Variants in GFOD2 observed in about 807,000 individuals in gnomAD.
GFOD2 encodes glucose-fructose oxidoreductase domain-containing protein 2.
Under a neutral mutation model 24.6 loss-of-function variants are expected in GFOD2, and 9 were observed. That is an observed-to-expected ratio of 0.37 (90% confidence interval 0.22 to 0.64). The LOEUF is 0.64. Among genes scored for constraint, GFOD2 ranks in the 30% least tolerant of loss-of-function variants. The pLI, the probability that GFOD2 is intolerant of heterozygous loss-of-function variation, is 0.65. For synonymous variants in GFOD2, 211 were observed against 224.8 expected (o/e 0.94, Z 0.55); for missense variants, 476 against 532.5 (o/e 0.89, Z 1.04).
At chr16:67,687,667 GA>G (rs979497645) in intron 1 of GFOD2, among the ~76,000 whole-genome samples, 319 of 140,558 alleles carry the variant, frequency 2.3e-3, no homozygotes, top group African/African-American at 7.6e-3. Flanking sequence ...AAGAAAAAAA[GA>G]AAAAAAAAAG....
At chr16:67,694,687 T>C (rs1342544891) in intron 1 of GFOD2, among the ~76,000 whole-genome samples, 5 of 152,174 alleles carry the variant, frequency 3.3e-5, no homozygotes. Flanking sequence ...AAAATGTCTA[T>C]AGTAGGGGAT....
chr16:67,684,440 A>T (rs2053250526), intron 2 of GFOD2: 4 of 151,858 alleles, frequency 2.6e-5, no homozygotes, highest in Admixed American at 1.3e-4. Flanking sequence ...TCACACCTGT[A>T]ATCCCAGCAC....
chr16:67,681,912 G>A, intron 2 of GFOD2: 3 of 985,152 alleles, frequency 3.0e-6, no homozygotes, highest in Non-Finnish European at 3.6e-6. Flanking sequence ...GGGCACAGTG[G>A]CTCCCACCTA....
chr16:67,676,200 G>A, intron 2 of GFOD2, 147 bp from the exon 3 acceptor site: 1 of 729,664 alleles, frequency 1.4e-6, no homozygotes, highest in Non-Finnish European at 2.2e-6. Context: ...GTCTTGCTAT[G>A]CTGCCCAGGC....
chr16:67,712,883 G>A (rs1188012119), intron 1 of GFOD2, among the ~76,000 whole-genome samples: 1 of 109,616 alleles, frequency 9.1e-6, no homozygotes, highest in South Asian at 2.9e-4. Flanking sequence ...AGTGAGGAGC[G>A]TCTCTGCCCG....
At chr16:67,676,250 GCCTCCTAAGTGGGACCACAGGTGTGTA>G in intron 2 of GFOD2, 197 bp from the exon 3 acceptor site, 1 of 609,234 alleles carries the variant, frequency 1.6e-6, no homozygotes, top group South Asian at 2.1e-5. Flanking sequence ...CTCCATCTTG[GCCTCCTAAGTGGGACCACAGGTGTGTA>G]CCACCACGCC....
Position 67,674,841 on chromosome 16 carries a change from C to T in GFOD2, c.*314G>A, listed in dbSNP as rs1354623510. On this transcript the variant is annotated 3_prime_UTR_variant, in exon 3 of 3. Transcript: ENST00000268797. ...CTTGTGCTTTCTCACCCTGTTAGGA[C>T]TGCGGATCAGGCTGAAGGGCTCCCC... 5.9e-6 allele frequency: 2 copies of T among 336,324 alleles called. No homozygotes were observed. Among genetic ancestry groups the T allele is most frequent in the Non-Finnish European group, 1.1e-5 (2 of 182,556 alleles). 20.8% of individuals were successfully genotyped at this position (336,324 alleles called of 1,614,324 possible).
intron 1 of GFOD2, among the ~76,000 whole-genome samples, chr16:67,706,028 G>C (rs2053436921): frequency 6.9e-6 from 1 of 144,864 alleles, no homozygotes; most frequent in Admixed American, 7.0e-5. Context: ...TGTCACCCAG[G>C]CTGGAGTGCA....
At chr16:67,696,773 G>A (rs1389255397) in intron 1 of GFOD2, among the ~76,000 whole-genome samples, 2 of 151,984 alleles carry the variant, frequency 1.3e-5, no homozygotes, top group Non-Finnish European at 2.9e-5. Flanking sequence ...GCGCCCGGCC[G>A]AAAAATTTTT....
At chr16:67,676,301 A>ATT in intron 2 of GFOD2, 8 of 417,532 alleles carry the variant, frequency 1.9e-5, no homozygotes, top group East Asian at 4.4e-5. Flanking sequence ...CTAATTTAAA[A>ATT]TTTTTTTTTT....
intron 1 of GFOD2, among the ~76,000 whole-genome samples, chr16:67,712,333 C>T (rs1395771541): frequency 4.5e-5 from 6 of 131,982 alleles, no homozygotes; most frequent in African/African-American, 5.7e-5. Context: ...CCTCTGATGC[C>T]GAGCCAAGGC....
intron 1 of GFOD2, among the ~76,000 whole-genome samples, chr16:67,706,034 G>C (rs1260044528): frequency 7.1e-6 from 1 of 141,054 alleles, no homozygotes; most frequent in Non-Finnish European, 1.5e-5. Context: ...CCAGGCTGGA[G>C]TGCAGTAGTG....
At chr16:67,701,879 C>T (rs1429668435) in intron 1 of GFOD2, among the ~76,000 whole-genome samples, 2 of 151,746 alleles carry the variant, frequency 1.3e-5, no homozygotes, top group Non-Finnish European at 2.9e-5. Flanking sequence ...AAAGGCCCGA[C>T]TGTTGAGACT....
intron 2 of GFOD2, chr16:67,680,569 A>T: frequency 4.8e-6 from 1 of 207,508 alleles, no homozygotes; most frequent in Non-Finnish European, 8.1e-6. Flanking sequence ...CCCTCCTCTC[A>T]CTTCCTACCC....
chr16:67,694,002 T>C (rs2053337189), intron 1 of GFOD2, among the ~76,000 whole-genome samples: 9 of 152,090 alleles, frequency 5.9e-5, no homozygotes, highest in Admixed American at 5.9e-4. Flanking sequence ...CTTTTTTTTT[T>C]TTAAGACAGA....
chr16:67,687,651 A>G (rs1055635210), intron 1 of GFOD2, among the ~76,000 whole-genome samples: 2 of 150,776 alleles, frequency 1.3e-5, no homozygotes, highest in Non-Finnish European at 3.0e-5. Context: ...AAAAAAAAAA[A>G]AAAAAAAGAA....
intron 2 of GFOD2, chr16:67,681,258 T>C (rs1020624007): frequency 2.0e-6 from 2 of 985,020 alleles, no homozygotes; most frequent in Non-Finnish European, 2.4e-6. Context: ...GGCGACAGAG[T>C]GGATACTGCA....
intron 1 of GFOD2, among the ~76,000 whole-genome samples, chr16:67,686,473 A>C (rs1408256428): frequency 2.0e-5 from 3 of 152,090 alleles, no homozygotes; most frequent in Non-Finnish European, 4.4e-5. Context: ...TAATAAGGGG[A>C]GTGATTGATC....
At chr16:67,704,886 T>C (rs1174011213) in intron 1 of GFOD2, among the ~76,000 whole-genome samples, 1 of 152,222 alleles carries the variant, frequency 6.6e-6, no homozygotes, top group Non-Finnish European at 1.5e-5. Context: ...GGCTCAAACA[T>C]CACAGACATT....
Sources: gnomAD v4.1 joint callset for allele counts (sites outside exome capture counted in the v4.1 genomes callset) on GRCh38, gnomAD v4.1.1 for gene constraint, MANE v1.5 for transcripts, NCBI Gene and HGNC (gene_info 2026-07-23, HGNC 2026-07-21) for gene names.